SEMA3A: variants seen among roughly 807,000 people sequenced by gnomAD.
The protein encoded by SEMA3A is semaphorin 3A.
Under a neutral mutation model 97.9 loss-of-function variants are expected in SEMA3A, and 29 were observed. The observed-to-expected ratio is 0.30, with a 90% CI of 0.22 to 0.40. The LOEUF (loss-of-function observed/expected upper bound fraction) is 0.40, where lower values mean the gene tolerates loss of function less well. SEMA3A is among the 10% of genes least tolerant of loss of function. The pLI, the probability that SEMA3A is intolerant of heterozygous loss-of-function variation, is 1.00. For synonymous variants in SEMA3A, 321 were observed against 323.7 expected (o/e 0.99, Z 0.09); for missense variants, 763 against 951.3 (o/e 0.80, Z 2.60).
At chr7:84,481,037 G>A (rs778171832) in intron 1 of SEMA3A, among the ~76,000 whole-genome samples, 4 of 152,152 alleles carry the variant, frequency 2.6e-5, no homozygotes, top group Admixed American at 6.5e-5. Flanking sequence ...TGAAAGAAAG[G>A]TAGAGAAGTT....
chr7:84,388,072 G>T (rs1337761168), intron 1 of SEMA3A, among the ~76,000 whole-genome samples: 2 of 152,078 alleles, frequency 1.3e-5, no homozygotes, highest in East Asian at 3.9e-4. Flanking sequence ...GATGCTTAAG[G>T]CAGAGAAATA....
At chr7:84,240,765 C>T (rs1006654804) in intron 3 of SEMA3A, among the ~76,000 whole-genome samples, 6 of 152,130 alleles carry the variant, frequency 3.9e-5, no homozygotes, top group African/African-American at 7.2e-5. Flanking sequence ...AGCCCACCAC[C>T]GCCTGACAGG....
chr7:84,148,895 G>C (rs1358319931), intron 1 of SEMA3A, among the ~76,000 whole-genome samples: 1 of 152,148 alleles, frequency 6.6e-6, no homozygotes, highest in East Asian at 1.9e-4. Flanking sequence ...GAAGAATATA[G>C]TGTATATAGT....
chr7:84,050,354 A>G (rs1393941398), intron 5 of SEMA3A, among the ~76,000 whole-genome samples: 2 of 152,124 alleles, frequency 1.3e-5, no homozygotes, highest in Non-Finnish European at 2.9e-5. Context: ...ATTTCTCCAC[A>G]TGCTCTCCAG....
intron 1 of SEMA3A, among the ~76,000 whole-genome samples, chr7:84,450,830 C>T (rs1431085452): frequency 6.6e-6 from 1 of 151,984 alleles, no homozygotes; most frequent in African/African-American, 2.4e-5. Flanking sequence ...CTATTGAATT[C>T]CTCTGTCAGT....
At chr7:84,312,915 T>C (rs938120336) in intron 2 of SEMA3A, among the ~76,000 whole-genome samples, 2,175 of 43,426 alleles carry the variant, frequency 0.05, 196 homozygotes, top group Non-Finnish European at 0.069. Context: ...TATATATATA[T>C]ATATATACAC....
chr7:84,146,870 T>TA (rs1418925365), intron 1 of SEMA3A, among the ~76,000 whole-genome samples: 1 of 152,218 alleles, frequency 6.6e-6, no homozygotes, highest in African/African-American at 2.4e-5. Context: ...AGGTCTCTGT[T>TA]ATCAGTCAGT....
intron 3 of SEMA3A, among the ~76,000 whole-genome samples, chr7:84,238,221 C>A (rs1213821295): frequency 6.6e-6 from 1 of 152,130 alleles, no homozygotes; most frequent in Non-Finnish European, 1.5e-5. Flanking sequence ...TGCCCACCAC[C>A]ACACCAGGCT....
At chr7:84,324,690 C>T (rs1801730963) in intron 2 of SEMA3A, among the ~76,000 whole-genome samples, 1 of 151,912 alleles carries the variant, frequency 6.6e-6, no homozygotes, top group Non-Finnish European at 1.5e-5. Flanking sequence ...AAAGAGACTT[C>T]AATTTATTAT....
intron 1 of SEMA3A, among the ~76,000 whole-genome samples, chr7:84,192,796 A>C (rs1214395159): frequency 6.6e-6 from 1 of 151,950 alleles, no homozygotes; most frequent in African/African-American, 2.4e-5. Flanking sequence ...TTTTTAAAAT[A>C]TATATCATGA....
intron 3 of SEMA3A, among the ~76,000 whole-genome samples, chr7:84,213,934 G>A (rs1763167509): frequency 6.6e-6 from 1 of 152,178 alleles, no homozygotes; most frequent in Non-Finnish European, 1.5e-5. Flanking sequence ...ATCCAAGTGT[G>A]TTACTAACTT....
At chr7:84,313,656 G>A (rs1801422285) in intron 2 of SEMA3A, among the ~76,000 whole-genome samples, 1 of 151,528 alleles carries the variant, frequency 6.6e-6, no homozygotes, top group East Asian at 1.9e-4. Flanking sequence ...TCAGCTTGAT[G>A]ATTTTAAATA....
chr7:83,990,643 A>T (rs1342334815), intron 12 of SEMA3A, among the ~76,000 whole-genome samples: 5 of 145,540 alleles, frequency 3.4e-5, no homozygotes, highest in African/African-American at 5.1e-5. Flanking sequence ...ATGTGGCTCT[A>T]TTTCTGAGGG....
Position 84,421,232 on chromosome 7 carries a change from T to C in SEMA3A, c.-245-49332A>G, listed in dbSNP as rs147464646. On this transcript the variant is annotated intron_variant, in intron 1 of 3. Coordinates refer to the SEMA3A transcript ENST00000424555. Reference sequence around the variant, plus strand: ...CATATTTAGTGGGGTGACATATTTATAGTGCTGAAAGAAGAAAGTCAAACA... The same window carrying C: ...CATATTTAGTGGGGTGACATATTTACAGTGCTGAAAGAAGAAAGTCAAACA... 5.9e-5 allele frequency among the ~76,000 whole-genome samples: 9 copies of C among 152,170 alleles called. No homozygotes were observed. In the East Asian group the frequency reaches 1.7e-3, roughly 29 times the overall value.
intron 1 of SEMA3A, among the ~76,000 whole-genome samples, chr7:84,381,388 G>C (rs1440651911): frequency 6.6e-6 from 1 of 152,080 alleles, no homozygotes; most frequent in Admixed American, 6.6e-5. Context: ...TGACCTTGTT[G>C]GTCATGGTTT....
chr7:84,206,530 G>T (rs1296337707), intron 3 of SEMA3A, among the ~76,000 whole-genome samples: 1 of 151,970 alleles, frequency 6.6e-6, no homozygotes, highest in Non-Finnish European at 1.5e-5. Flanking sequence ...CAACATGTTA[G>T]CCAGGATGGT....
chr7:84,099,845 G>A (rs1794903525), intron 4 of SEMA3A, among the ~76,000 whole-genome samples: 1 of 152,098 alleles, frequency 6.6e-6, no homozygotes, highest in Non-Finnish European at 1.5e-5. Context: ...CCTCAAAAGA[G>A]GATGTTATGT....
chr7:84,474,980 A>G (rs1027633933), intron 1 of SEMA3A, among the ~76,000 whole-genome samples: 2 of 152,142 alleles, frequency 1.3e-5, no homozygotes, highest in African/African-American at 4.8e-5. Flanking sequence ...AGAGAAGGAA[A>G]TAGGATGAAG....
chr7:84,471,655 T>G lies in SEMA3A; in HGVS notation c.-246+20805A>C, dbSNP rs142377138. Among the ~76,000 whole-genome samples the G allele has an allele frequency of 3.2e-3, 485 of 152,106 alleles. 1 individual carries two copies. The highest frequency in any genetic ancestry group is 7.1e-3 in the Admixed American group (109 of 15,268). ...CTATCCCAATGGCTTTATATCCTCA[T>G]GAGAGAAAGAGAGAATGAAAGCGTT... On this transcript the variant is annotated intron_variant, in intron 1 of 3. Coordinates refer to the SEMA3A transcript ENST00000424555.
Sources: allele counts gnomAD v4.1 joint callset (sites outside exome capture counted in the v4.1 genomes callset), GRCh38; gene constraint gnomAD v4.1.1; transcripts MANE v1.5; gene names NCBI Gene and HGNC (gene_info 2026-07-23, HGNC 2026-07-21).